Variants in HECW2 observed in about 807,000 individuals in gnomAD.
HECW2 encodes E3 ubiquitin-protein ligase HECW2.
HECW2 carries 61 observed loss-of-function variants against 175.2 expected under a neutral mutation model. That is an observed-to-expected ratio of 0.35 (90% CI 0.28 to 0.43). The LOEUF is 0.43. HECW2 is among the 20% of genes least tolerant of loss of function. The pLI, the probability that HECW2 is intolerant of heterozygous loss-of-function variation, is 1.00. For synonymous variants in HECW2, 671 were observed against 731.0 expected, an observed-to-expected ratio of 0.92 and a Z score of 1.32; for missense variants, 1,524 against 2,000.5, an observed-to-expected ratio of 0.76 and a Z score of 4.54.
At chr2:196,458,775 A>G (rs1033008416) in intron 1 of HECW2, among the ~76,000 whole-genome samples, 2 of 152,306 alleles carry the variant, frequency 1.3e-5, no homozygotes, top group Admixed American at 1.3e-4. Flanking sequence ...CTGAGGCAGG[A>G]GAATGACTTG....
intron 26 of HECW2, 73 bp downstream of exon 26, chr2:196,219,966 C>T: frequency 1.0e-6 from 1 of 961,984 alleles, no homozygotes; most frequent in Non-Finnish European, 1.7e-6. Context: ...GTCCTATATT[C>T]AGTTGGCAAG....
intron 21 of HECW2, among the ~76,000 whole-genome samples, chr2:196,236,251 T>C (rs1441601800): frequency 1.3e-5 from 2 of 152,184 alleles, no homozygotes; most frequent in Admixed American, 1.3e-4. Context: ...AAATTTACCC[T>C]GGGGGCTGTC....
chr2:196,214,482 T>C (rs925504445), intron 28 of HECW2, among the ~76,000 whole-genome samples: 1 of 152,232 alleles, frequency 6.6e-6, no homozygotes, highest in African/African-American at 2.4e-5. Context: ...GTAAAAAGCC[T>C]TATTCAGATA....
At chr2:196,310,431 A>G (rs1357728386) in intron 10 of HECW2, among the ~76,000 whole-genome samples, 1 of 152,222 alleles carries the variant, frequency 6.6e-6, no homozygotes, top group Non-Finnish European at 1.5e-5. Flanking sequence ...TGAACTACAT[A>G]TCCACTTCTA....
chr2:196,358,573 A>C (rs1437544515), intron 2 of HECW2, among the ~76,000 whole-genome samples: 1 of 122,640 alleles, frequency 8.2e-6, no homozygotes, highest in Admixed American at 9.2e-5. Flanking sequence ...GAGACAGAGC[A>C]AGACTCTGTC....
chr2:196,203,848 T>C (rs750102407), intron 28 of HECW2, among the ~76,000 whole-genome samples: 1 of 152,198 alleles, frequency 6.6e-6, no homozygotes, highest in Non-Finnish European at 1.5e-5. Flanking sequence ...GAAATCTGTA[T>C]CCATTAAATA....
intron 1 of HECW2, among the ~76,000 whole-genome samples, chr2:196,511,175 A>C (rs1306406145): frequency 6.6e-6 from 1 of 152,222 alleles, no homozygotes; most frequent in African/African-American, 2.4e-5. Flanking sequence ...CATGTGGGCC[A>C]GGCCAGGCTG....
chr2:196,484,012 G>A (rs1686924193), intron 1 of HECW2, among the ~76,000 whole-genome samples: 1 of 152,184 alleles, frequency 6.6e-6, no homozygotes, highest in African/African-American at 2.4e-5. Context: ...TAATGGCTGA[G>A]GGTCCAGGCT....
At chr2:196,301,332 G>C (rs375228491) in intron 13 of HECW2, among the ~76,000 whole-genome samples, 1 of 152,086 alleles carries the variant, frequency 6.6e-6, no homozygotes, top group African/African-American at 2.4e-5. Context: ...GTGCCGCAAT[G>C]AACATACATG....
At chr2:196,352,221 C>T (rs1693194929) in intron 2 of HECW2, among the ~76,000 whole-genome samples, 1 of 152,178 alleles carries the variant, frequency 6.6e-6, no homozygotes, top group Admixed American at 6.5e-5. Flanking sequence ...ATGGCACCAC[C>T]AGGCCACCTG....
At chr2:196,267,779 G>A (rs1689571631) in intron 17 of HECW2, among the ~76,000 whole-genome samples, 2 of 152,086 alleles carry the variant, frequency 1.3e-5, no homozygotes, top group South Asian at 4.1e-4. Flanking sequence ...AGCAAACCAA[G>A]AAAACACAAA....
chr2:196,577,188 C>T (rs1369653047), intron 1 of HECW2, among the ~76,000 whole-genome samples: 1 of 152,110 alleles, frequency 6.6e-6, no homozygotes, highest in African/African-American at 2.4e-5. Context: ...TCTCCACATG[C>T]AGCTGGTTGC....
intron 17 of HECW2, among the ~76,000 whole-genome samples, chr2:196,261,760 C>CTTT (rs1414833771): frequency 2.6e-5 from 4 of 152,134 alleles, no homozygotes; most frequent in Non-Finnish European, 5.9e-5. Flanking sequence ...TTTATAAAAG[C>CTTT]TGTAAGCATA....
At chr2:196,512,253 A>T (rs1232304434) in intron 1 of HECW2, among the ~76,000 whole-genome samples, 1 of 152,220 alleles carries the variant, frequency 6.6e-6, no homozygotes, top group East Asian at 1.9e-4. Flanking sequence ...AAATATTTTC[A>T]TGTGAAACAT....
chr2:196,487,147 TAAAA>T (rs375017365), intron 1 of HECW2, among the ~76,000 whole-genome samples: 4 of 123,872 alleles, frequency 3.2e-5, no homozygotes, highest in Admixed American at 8.4e-5. Context: ...AGACTCTGCC[TAAAA>T]AAAAAAAAAA....
At chr2:196,220,721 T>C (rs1204068881) in intron 25 of HECW2, 74 bp downstream of exon 25, 1 of 1,458,932 alleles carries the variant, frequency 6.9e-7, no homozygotes, top group Non-Finnish European at 9.5e-7. Flanking sequence ...TCTACACATG[T>C]AAAGTACAAT....
intron 19 of HECW2, chr2:196,242,463 A>C: frequency 2.2e-6 from 1 of 452,172 alleles, no homozygotes; most frequent in Admixed American, 3.7e-5. Context: ...TTTCTCAAGT[A>C]TGTTCCCCTT....
intron 1 of HECW2, among the ~76,000 whole-genome samples, chr2:196,504,844 C>A (rs542567157): frequency 1.3e-5 from 2 of 151,692 alleles, no homozygotes; most frequent in South Asian, 4.2e-4. Context: ...TTACTCTTCA[C>A]AAAACTTTTA....
chr2:196,514,752 C>T (rs930989976), intron 1 of HECW2, among the ~76,000 whole-genome samples: 3 of 152,142 alleles, frequency 2.0e-5, no homozygotes, highest in Non-Finnish European at 4.4e-5. Context: ...GGACGACCTG[C>T]TTGCAGAAAG....
Sources: allele counts gnomAD v4.1 joint callset (sites outside exome capture counted in the v4.1 genomes callset), GRCh38; gene constraint gnomAD v4.1.1; transcripts MANE v1.5; gene names NCBI Gene and HGNC (gene_info 2026-07-23, HGNC 2026-07-21).